RBM8A: variants seen among roughly 807,000 people sequenced by gnomAD.
The protein encoded by RBM8A is RNA-binding protein 8A.
RBM8A carries 8 observed loss-of-function variants against 25.1 expected under a neutral mutation model. That is an observed-to-expected ratio of 0.32 (90% confidence interval 0.19 to 0.58). RBM8A has a LOEUF of 0.58. Among genes scored for constraint, RBM8A ranks in the 20% least tolerant of loss-of-function variants. The pLI is 0.88. For synonymous variants in RBM8A, 66 were observed against 80.0 expected (o/e 0.82, Z 0.94); for missense variants, 114 against 236.8 (o/e 0.48, Z 3.40).
Position 145,923,574 on chromosome 1 carries a change from C to G in RBM8A, c.*2308G>C, listed in dbSNP as rs1429307159. 1 of 234,918 alleles carries G rather than the reference C, an allele frequency of 4.3e-6. No homozygotes were observed. The highest frequency in any genetic ancestry group is 2.2e-5 in the African/African-American group (1 of 44,648). 14.6% of individuals were successfully genotyped at this position (234,918 alleles called of 1,614,324 possible). ...AAGCAGGCACTTTAACCTTGTAGCT[C>G]TAAACAGAAATAGTTTTTACTGATT... On this transcript the variant is annotated 3_prime_UTR_variant, in exon 6 of 6. Transcript: ENST00000583313.
At position 145,927,472 on chromosome 1, in the gene RBM8A, A is replaced by G. The variant is rs1553756234; in HGVS notation, c.-46T>C. On this transcript the variant is annotated 5_prime_UTR_variant, in exon 1 of 6. Coordinates refer to ENST00000583313, the MANE Select transcript of RBM8A (RefSeq NM_005105.5). ...CGTCTGTGCCGCTCAGACACTAGGTACCTCGGGAAACTGTCGCAGAGGGGA... is the reference window on the plus strand; with the variant it reads ...CGTCTGTGCCGCTCAGACACTAGGTGCCTCGGGAAACTGTCGCAGAGGGGA... 1 of 1,582,860 alleles carries G rather than the reference A, an allele frequency of 6.3e-7. No homozygotes were observed. The highest frequency in any genetic ancestry group is 8.6e-7 in the Non-Finnish European group (1 of 1,161,750).
Position 145,924,085 on chromosome 1 carries a change from C to T in RBM8A, c.*1797G>A, listed in dbSNP as rs71664098. ...GAATTAAGGATGAATTGGGAGGAGA[C>T]AGTATGACATAGGTGGGTAGGTTGG... On this transcript the variant is annotated 3_prime_UTR_variant, in exon 6 of 6. Transcript: ENST00000583313. The T allele has an allele frequency of 9.9e-6, 7 of 710,280 alleles. No homozygotes were observed. Among genetic ancestry groups the T allele is most frequent in the Middle Eastern group, 2.7e-4 (1 of 3,710 alleles). The allele number at this position is 710,280 out of a possible 1,614,324, so 44.0% of individuals were successfully genotyped here. A position where few individuals can be genotyped will look rare whatever the true frequency, so the allele number is the denominator to read the frequency against.
intron 4 of RBM8A, 45 bp from the exon 5 acceptor site, chr1:145,926,222 C>G (rs1553755859): frequency 1.9e-6 from 3 of 1,605,122 alleles, no homozygotes; most frequent in Non-Finnish European, 8.5e-7. Context: ...CCTATTTCCC[C>G]AAGTATCACT....
chr1:145,926,902 A>G lies in RBM8A; in HGVS notation c.128-16T>C. 1 of 1,613,706 alleles carries G rather than the reference A, an allele frequency of 6.2e-7. No homozygotes were observed. The highest frequency in any genetic ancestry group is 1.3e-5 in the African/African-American group (1 of 74,872). On this transcript the variant is annotated splice_polypyrimidine_tract_variant and intron_variant, in intron 2 of 5. Transcript: ENST00000583313. ...GACCCCTCTTCTATAAGGGACATACACGAGATCACCGAAAACTCCTCCTTT... is the reference window on the plus strand; with the variant it reads ...GACCCCTCTTCTATAAGGGACATACGCGAGATCACCGAAAACTCCTCCTTT...
intron 1 of RBM8A, 134 bp downstream of exon 1, chr1:145,927,226 G>T: frequency 6.9e-7 from 1 of 1,452,344 alleles, no homozygotes; most frequent in Admixed American, 2.0e-5. Flanking sequence ...TGAAGGGGGC[G>T]GAATCTCTAA....
At chr1:145,926,332 TTCTG>T in intron 4 of RBM8A, 146 bp downstream of exon 4, 1 of 1,445,822 alleles carries the variant, frequency 6.9e-7, no homozygotes, top group Non-Finnish European at 9.4e-7. Flanking sequence ...TCATCTCCGT[TTCTG>T]TCTCTTTGGC....
chr1:145,925,864 T>A lies in RBM8A; in HGVS notation c.*18A>T, dbSNP rs1425690096. 1.2e-6 allele frequency: 2 copies of A among 1,609,580 alleles called. No individual in the cohort carries two copies. Among genetic ancestry groups the A allele is most frequent in the Non-Finnish European group, 1.7e-6 (2 of 1,176,788 alleles). ...CAAATGGAATCTTGAAGAGAACACC[T>A]GGACAACAGAGGACCTGTCAGCGAC... On this transcript the variant is annotated 3_prime_UTR_variant, in exon 6 of 6. Coordinates refer to ENST00000583313, the MANE Select transcript of RBM8A (RefSeq NM_005105.5).
Position 145,926,901 on chromosome 1 carries a change from C to T in RBM8A, c.128-15G>A. The T allele has an allele frequency of 5.6e-6, 9 of 1,614,080 alleles. No individual in the cohort carries two copies. The highest frequency in any genetic ancestry group is 6.8e-6 in the Non-Finnish European group (8 of 1,180,010). ...GGACCCCTCTTCTATAAGGGACATACACGAGATCACCGAAAACTCCTCCTT... is the reference window on the plus strand; with the variant it reads ...GGACCCCTCTTCTATAAGGGACATATACGAGATCACCGAAAACTCCTCCTT... On this transcript the variant is annotated splice_polypyrimidine_tract_variant and intron_variant, in intron 2 of 5. Coordinates refer to ENST00000583313, the MANE Select transcript of RBM8A (RefSeq NM_005105.5).
chr1:145,925,502 A>G lies in RBM8A; in HGVS notation c.*380T>C. On this transcript the variant is annotated 3_prime_UTR_variant, in exon 6 of 6. Transcript: ENST00000583313. ...GTGCCTGTAATCCCAACTACTAGGGACAGTGAGGCAGAAGGATGGCTTGAG... is the reference window on the plus strand; with the variant it reads ...GTGCCTGTAATCCCAACTACTAGGGGCAGTGAGGCAGAAGGATGGCTTGAG... 2 of 350,078 alleles carry G rather than the reference A, an allele frequency of 5.7e-6. No individual in the cohort carries two copies. Among genetic ancestry groups the G allele is most frequent in the South Asian group, 4.5e-5 (2 of 44,918 alleles). 21.7% of individuals were successfully genotyped at this position (350,078 alleles called of 1,614,324 possible).
rs201860373 is a variant in RBM8A, at chr1:145,925,857, G to C, written c.*25C>G. On this transcript the variant is annotated 3_prime_UTR_variant, in exon 6 of 6. Transcript: ENST00000583313. ...GCATGGTCAAATGGAATCTTGAAGAGAACACCTGGACAACAGAGGACCTGT... is the reference window on the plus strand; with the variant it reads ...GCATGGTCAAATGGAATCTTGAAGACAACACCTGGACAACAGAGGACCTGT... 3,512 of 1,604,252 alleles carry C rather than the reference G, an allele frequency of 2.2e-3. 17 individuals are homozygous for C. Among genetic ancestry groups the C allele is most frequent in the South Asian group, 7.4e-3 (670 of 90,786 alleles).
chr1:145,925,982 C>G, intron 5 of RBM8A, 55 bp from the exon 6 acceptor site: 1 of 1,614,146 alleles, frequency 6.2e-7, no homozygotes, highest in East Asian at 2.2e-5. Context: ...ATACTAAGTC[C>G]TCATTCTGTT....
chr1:145,923,657 GA>G lies in RBM8A; in HGVS notation c.*2224del, dbSNP rs1553755296. 2.7e-6 allele frequency: 1 copy of G among 368,640 alleles called. No homozygotes were observed. The highest frequency in any genetic ancestry group is 2.1e-5 in the African/African-American group (1 of 48,108). 22.8% of individuals were successfully genotyped at this position (368,640 alleles called of 1,614,324 possible). A position where few individuals can be genotyped will look rare whatever the true frequency, so the allele number is the denominator to read the frequency against. On this transcript the variant is annotated 3_prime_UTR_variant, in exon 6 of 6. Transcript: ENST00000583313. Reference sequence around the variant, plus strand: ...GGGAGGGGCAGCCCAATAGCATTTGGAAAATGTTAAATTTTATTATTTAACA... The same window carrying G: ...GGGAGGGGCAGCCCAATAGCATTTGGAAATGTTAAATTTTATTATTTAACA...
rs1647953494 is a variant in RBM8A at position 145,923,890 on chromosome 1, G to T, written c.*1992C>A. The T allele has an allele frequency of 1.7e-6, 1 of 578,502 alleles. No homozygotes were observed. Among genetic ancestry groups the T allele is most frequent in the Admixed American group, 3.0e-5 (1 of 33,568 alleles). 35.8% of individuals were successfully genotyped at this position (578,502 alleles called of 1,614,324 possible). ...TCATCCCTTATAAAGCGCAATGTTA[G>T]AATAGTACTTGAGAAAGCAGGATTG... On this transcript the variant is annotated 3_prime_UTR_variant, in exon 6 of 6. Coordinates refer to ENST00000583313, the MANE Select transcript of RBM8A (RefSeq NM_005105.5).
At chr1:145,925,976 T>C (rs1182628985) in intron 5 of RBM8A, 49 bp from the exon 6 acceptor site, 2 of 1,614,158 alleles carry the variant, frequency 1.2e-6, no homozygotes, top group Non-Finnish European at 1.7e-6. Context: ...GACATAATAC[T>C]AAGTCCTCAT....
chr1:145,923,880 C>T lies in RBM8A; in HGVS notation c.*2002G>A, dbSNP rs1178624217. 7 of 554,166 alleles carry T rather than the reference C, an allele frequency of 1.3e-5. No individual in the cohort carries two copies. The highest frequency in any genetic ancestry group is 1.1e-4 in the South Asian group (4 of 37,852). The allele number at this position is 554,166 out of a possible 1,614,324, so 34.3% of individuals were successfully genotyped here. A position where few individuals can be genotyped will look rare whatever the true frequency, so the allele number is the denominator to read the frequency against. ...GGTAGAAATATCATCCCTTATAAAG[C>T]GCAATGTTAGAATAGTACTTGAGAA... On this transcript the variant is annotated 3_prime_UTR_variant, in exon 6 of 6. Transcript: ENST00000583313.
At chr1:145,927,103 A>G in intron 1 of RBM8A, 26 bp from the exon 2 acceptor site, 1 of 1,608,078 alleles carries the variant, frequency 6.2e-7, no homozygotes, top group Non-Finnish European at 8.5e-7. Flanking sequence ...ATAAAAGAAT[A>G]AGTAACTATG....
At chr1:145,926,984 C>T (rs1553756087) in intron 2 of RBM8A, 34 bp downstream of exon 2, 15 of 1,614,182 alleles carry the variant, frequency 9.3e-6, no homozygotes, top group Non-Finnish European at 1.2e-5. Context: ...TCCTGCCCTA[C>T]TAGGCCACTC....
In RBM8A at chr1:145,926,563, T is replaced by A; in HGVS notation, c.261A>T (p.Glu87Asp). The A allele has an allele frequency of 6.2e-7, 1 of 1,614,192 alleles. No individual in the cohort carries two copies. Among genetic ancestry groups the A allele is most frequent in the Non-Finnish European group, 8.5e-7 (1 of 1,180,030 alleles). ...ATTCTGCGAATTTGTCGTGTATGTC[T>A]TCTTCGGTGGCTTCCTCATGGACTC... ...VTGVHEEATE[E>D]DIHDKFAEYG... is the part of the protein sequence containing the mutation. Residue 87 changes from glutamate to aspartate, a missense_variant, in exon 4 of 6, where the codon GAA (glutamate) becomes GAT (aspartate). Transcript: ENST00000583313.
chr1:145,922,134 G>A lies in RBM8A; in HGVS notation c.*3748C>T, dbSNP rs1647815610. ...AACTACTCAGGAGGCTGAGGCACGAGAATTGCTTGAACCTGGGAAGTGGAG... is the reference window on the plus strand; with the variant it reads ...AACTACTCAGGAGGCTGAGGCACGAAAATTGCTTGAACCTGGGAAGTGGAG... On this transcript the variant is annotated 3_prime_UTR_variant, in exon 6 of 6. Transcript: ENST00000583313. 6.9e-6 allele frequency: 1 copy of A among 143,914 alleles called. No individual in the cohort carries two copies. 8.9% of individuals were successfully genotyped at this position (143,914 alleles called of 1,614,324 possible). A position where few individuals can be genotyped will look rare whatever the true frequency, so the allele number is the denominator to read the frequency against.
Sources: allele counts gnomAD v4.1 joint callset, GRCh38; gene constraint gnomAD v4.1.1; transcripts MANE v1.5; gene names NCBI Gene and HGNC (gene_info 2026-07-23, HGNC 2026-07-21).